OPCML: variants seen among roughly 807,000 people sequenced by gnomAD.
OPCML encodes the protein opioid binding protein/cell adhesion molecule like.
A neutral mutation model predicts 37.8 loss-of-function variants in OPCML; 13 were observed. The ratio of observed to expected loss-of-function variants is 0.34; its 90% CI spans 0.22 to 0.55. The LOEUF (loss-of-function observed/expected upper bound fraction) is 0.55, where lower values mean the gene tolerates loss of function less well. OPCML is among the 20% of genes least tolerant of loss of function. The pLI is 0.91. For missense variants in OPCML, 341 were observed against 435.6 expected (o/e 0.78, Z 1.93); for synonymous variants, 176 against 168.8 (o/e 1.04, Z -0.33).
chr11:132,499,142 C>T (rs2096240385), intron 4 of OPCML, among the ~76,000 whole-genome samples: 1 of 152,118 alleles, frequency 6.6e-6, no homozygotes, highest in African/African-American at 2.4e-5. Context: ...TGGACAAGGC[C>T]CCTAGGGACT....
At chr11:132,679,350 T>G (rs1942840865) in intron 2 of OPCML, among the ~76,000 whole-genome samples, 1 of 152,142 alleles carries the variant, frequency 6.6e-6, no homozygotes, top group Non-Finnish European at 1.5e-5. Flanking sequence ...GCCCAAATGT[T>G]AACTGATGAA....
chr11:132,847,363 C>T (rs189099318), intron 2 of OPCML, among the ~76,000 whole-genome samples: 113 of 152,078 alleles, frequency 7.4e-4, no homozygotes, highest in African/African-American at 2.3e-3. Context: ...TCAAAACGTC[C>T]GTGGAGTAAG....
At chr11:132,666,559 G>A (rs1942232016) in intron 2 of OPCML, among the ~76,000 whole-genome samples, 1 of 152,196 alleles carries the variant, frequency 6.6e-6, no homozygotes, top group South Asian at 2.1e-4. Context: ...GGTGGCATGG[G>A]CAAGACCTTA....
chr11:132,925,004 A>G (rs569617376), intron 2 of OPCML, among the ~76,000 whole-genome samples: 1 of 152,316 alleles, frequency 6.6e-6, no homozygotes, highest in South Asian at 2.1e-4. Context: ...TTCCACTGGC[A>G]TATTTTCCAG....
chr11:133,497,080 T>C lies in OPCML; in HGVS notation c.61+35184A>G, dbSNP rs137996089. Among the ~76,000 whole-genome samples the C allele has an allele frequency of 9.9e-3, 1,502 of 152,344 alleles. 7 individuals are homozygous for C. The highest frequency in any genetic ancestry group is 0.014 in the Admixed American group (208 of 15,306). On this transcript the variant is annotated intron_variant, in intron 1 of 7. Transcript: ENST00000524381. ...ATTACATTAAAGTGTGTCCCTTGTA[T>C]GCCGATTTTGCTGAGAGTTTTAATC...
chr11:132,699,153 A>G (rs189892367), intron 2 of OPCML, among the ~76,000 whole-genome samples: 89 of 151,360 alleles, frequency 5.9e-4, no homozygotes, highest in African/African-American at 2.0e-3. Context: ...CTTCTTTTTG[A>G]TAGGTTCTTA....
At chr11:132,680,971 A>G (rs1942916946) in intron 2 of OPCML, among the ~76,000 whole-genome samples, 1 of 152,222 alleles carries the variant, frequency 6.6e-6, no homozygotes, top group African/African-American at 2.4e-5. Flanking sequence ...GTAAAGGGCC[A>G]TGAAGCTGCT....
chr11:133,090,430 T>G (rs2137050722), intron 1 of OPCML, among the ~76,000 whole-genome samples: 1 of 152,330 alleles, frequency 6.6e-6, no homozygotes, highest in Admixed American at 6.5e-5. Context: ...ACAGACAGCC[T>G]AAATCTTCTT....
chr11:133,172,362 A>G (rs944126820), intron 1 of OPCML, among the ~76,000 whole-genome samples: 12 of 152,240 alleles, frequency 7.9e-5, no homozygotes, highest in African/African-American at 2.9e-4. Context: ...GGCCTGTCAG[A>G]GAAGCATGAA....
At chr11:132,887,221 C>G (rs1474550409) in intron 2 of OPCML, among the ~76,000 whole-genome samples, 4 of 152,222 alleles carry the variant, frequency 2.6e-5, no homozygotes, top group African/African-American at 9.6e-5. Context: ...CTCCAGCACT[C>G]AGTACAGTAA....
chr11:133,140,528 T>TAAGAAGAAGAAGAAGAAGAAG (rs1489312604), intron 1 of OPCML, among the ~76,000 whole-genome samples: 411 of 61,180 alleles, frequency 6.7e-3, no homozygotes, highest in East Asian at 0.013. Flanking sequence ...ATAATAATAA[T>TAAGAAGAAGAAGAAGAAGAAG]AATAAGAAGA....
intron 2 of OPCML, among the ~76,000 whole-genome samples, chr11:132,850,923 G>T (rs1412692140): frequency 6.6e-6 from 1 of 152,098 alleles, no homozygotes; most frequent in Non-Finnish European, 1.5e-5. Flanking sequence ...CCAAATATAG[G>T]CAAAGAAGAT....
In OPCML at chr11:133,327,144, G is replaced by A. The variant is rs552283156; in HGVS notation, c.61+205120C>T. ...GTGGGTGTGTGGGGAGGGTGAGTGT[G>A]TGTATGTGGGTGTGGGTGTGTGTAG... On this transcript the variant is annotated intron_variant, in intron 1 of 7. Transcript: ENST00000524381. 4.8e-5 allele frequency among the ~76,000 whole-genome samples: 7 copies of A among 145,008 alleles called. No homozygotes were observed. In the South Asian group the frequency reaches 1.1e-3, roughly 24 times the overall value.
At chr11:133,075,473 C>T (rs570886513) in intron 1 of OPCML, among the ~76,000 whole-genome samples, 14 of 152,272 alleles carry the variant, frequency 9.2e-5, no homozygotes, top group East Asian at 3.9e-4. Flanking sequence ...GGGGGATGAG[C>T]GGTGGGGACG....
intron 2 of OPCML, among the ~76,000 whole-genome samples, chr11:132,890,966 A>C (rs2136460650): frequency 6.6e-6 from 1 of 152,244 alleles, no homozygotes; most frequent in East Asian, 1.9e-4. Flanking sequence ...AACACTCTTT[A>C]CATCTCCCCT....
At chr11:132,492,844 G>A (rs2096220386) in intron 4 of OPCML, among the ~76,000 whole-genome samples, 1 of 152,160 alleles carries the variant, frequency 6.6e-6, no homozygotes, top group Non-Finnish European at 1.5e-5. Flanking sequence ...AAATTGCTCA[G>A]TAAATATTTT....
At chr11:132,549,047 A>T (rs1014127519) in intron 3 of OPCML, among the ~76,000 whole-genome samples, 5 of 152,152 alleles carry the variant, frequency 3.3e-5, no homozygotes, top group Non-Finnish European at 7.3e-5. Flanking sequence ...CCTGGGCTGC[A>T]TTCCCAGGAG....
intron 1 of OPCML, among the ~76,000 whole-genome samples, chr11:133,029,886 A>G (rs1947634058): frequency 2.0e-5 from 3 of 152,104 alleles, no homozygotes; most frequent in Admixed American, 6.6e-5. Flanking sequence ...AGTAAAACTC[A>G]TTCATTATCT....
chr11:132,437,779 A>T (rs952108686), intron 4 of OPCML, among the ~76,000 whole-genome samples: 2 of 152,186 alleles, frequency 1.3e-5, no homozygotes, highest in Non-Finnish European at 2.9e-5. Flanking sequence ...GCACATCTTA[A>T]TTTTTCATTT....
Sources: allele counts gnomAD v4.1 joint callset (sites outside exome capture counted in the v4.1 genomes callset), GRCh38; gene constraint gnomAD v4.1.1; transcripts MANE v1.5; gene names NCBI Gene and HGNC (gene_info 2026-07-23, HGNC 2026-07-21).